ZFAND4: variants seen among roughly 807,000 people sequenced by gnomAD.
The protein encoded by ZFAND4 is AN1-type zinc finger protein 4.
A neutral mutation model predicts 64.4 loss-of-function variants in ZFAND4; 43 were observed. That is an observed-to-expected ratio of 0.67 (90% CI 0.52 to 0.86). The LOEUF is 0.86. Among genes scored for constraint, ZFAND4 ranks in the 40% least tolerant of loss-of-function variants. The pLI is 0.00. For synonymous variants in ZFAND4, 296 were observed against 305.7 expected, an observed-to-expected ratio of 0.97 and a Z score of 0.33; for missense variants, 929 against 859.8, an observed-to-expected ratio of 1.08 and a Z score of -1.01.
intron 6 of ZFAND4, among the ~76,000 whole-genome samples, chr10:45,636,085 A>G (rs1281375762): frequency 6.6e-6 from 1 of 152,196 alleles, no homozygotes; most frequent in Non-Finnish European, 1.5e-5. Context: ...AATGAAAAAT[A>G]CATCACAACC....
intron 6 of ZFAND4, among the ~76,000 whole-genome samples, chr10:45,637,537 G>A (rs562486088): frequency 1.2e-4 from 19 of 152,054 alleles, no homozygotes; most frequent in African/African-American, 4.6e-4. Flanking sequence ...AGATGACAAG[G>A]TCAGAAGTTC....
At chr10:45,648,563 C>T (rs1426286883) in intron 4 of ZFAND4, 29 bp from the exon 5 acceptor site, 2 of 1,571,808 alleles carry the variant, frequency 1.3e-6, no homozygotes, top group Non-Finnish European at 1.7e-6. Context: ...AATAAGTCTT[C>T]AATTTGGATC....
rs573855195 is a variant in ZFAND4 at position 45,641,774 on chromosome 10, C to T, written c.570-1811G>A. Among the ~76,000 whole-genome samples, 8 of 152,316 alleles carry T rather than the reference C, an allele frequency of 5.3e-5. 1 individual carries two copies. In the South Asian group the frequency reaches 1.4e-3, roughly 28 times the overall value. ...CACTTCCCACACATTATTCCTAATT[C>T]TCACAAAACTACATAAGGTAGATAT... On this transcript the variant is annotated intron_variant, in intron 5 of 9. Transcript: ENST00000344646.
chr10:45,627,765 A>T (rs1430313073), intron 6 of ZFAND4, among the ~76,000 whole-genome samples: 1 of 152,216 alleles, frequency 6.6e-6, no homozygotes, highest in Non-Finnish European at 1.5e-5. Context: ...CTGGGCACAG[A>T]GTCTCTAATG....
intron 8 of ZFAND4, among the ~76,000 whole-genome samples, chr10:45,623,600 A>G (rs1020845325): frequency 2.6e-5 from 4 of 152,234 alleles, no homozygotes; most frequent in African/African-American, 9.6e-5. Context: ...TAGAGTACCT[A>G]AAAAATCATT....
chr10:45,640,732 C>T (rs1323916731), intron 5 of ZFAND4, among the ~76,000 whole-genome samples: 4 of 152,130 alleles, frequency 2.6e-5, no homozygotes, highest in African/African-American at 4.8e-5. Flanking sequence ...CCTCGTGATC[C>T]GCCTACCTCG....
At chr10:45,651,689 T>C (rs2047768458) in intron 4 of ZFAND4, 2 of 535,332 alleles carry the variant, frequency 3.7e-6, no homozygotes, top group East Asian at 5.0e-5. Context: ...GTAGTATTTA[T>C]AGTATGTCAT....
intron 2 of ZFAND4, among the ~76,000 whole-genome samples, chr10:45,659,877 T>C (rs1430893806): frequency 6.6e-6 from 1 of 151,958 alleles, no homozygotes; most frequent in East Asian, 1.9e-4. Flanking sequence ...AATTGGGAAG[T>C]TTGAAAAATG....
At chr10:45,643,969 T>A (rs1276580705) in intron 5 of ZFAND4, among the ~76,000 whole-genome samples, 1 of 152,180 alleles carries the variant, frequency 6.6e-6, no homozygotes, top group East Asian at 1.9e-4. Context: ...AAATTCAAAT[T>A]TGTGTCCATA....
chr10:45,667,402 G>A (rs1011870611), intron 1 of ZFAND4, among the ~76,000 whole-genome samples: 4 of 146,896 alleles, frequency 2.7e-5, no homozygotes, highest in Non-Finnish European at 4.5e-5. Context: ...ACAAGATCAT[G>A]TCATTTACAA....
chr10:45,671,330 G>A (rs558880447), intron 1 of ZFAND4, among the ~76,000 whole-genome samples: 1 of 152,298 alleles, frequency 6.6e-6, no homozygotes, highest in South Asian at 2.1e-4. Context: ...CCATTACTGG[G>A]TATATACCCA....
intron 2 of ZFAND4, among the ~76,000 whole-genome samples, chr10:45,661,556 T>C (rs2048472696): frequency 2.0e-5 from 3 of 152,192 alleles, no homozygotes; most frequent in Non-Finnish European, 4.4e-5. Flanking sequence ...CCGTATTCCA[T>C]ATCCCTCTAA....
At chr10:45,671,821 TAA>T (rs199848014) in intron 1 of ZFAND4, among the ~76,000 whole-genome samples, 5,748 of 141,250 alleles carry the variant, frequency 0.041, 119 homozygotes, top group East Asian at 0.055. Flanking sequence ...CCCTAGAACT[TAA>T]AAAAAAAAAA....
At chr10:45,628,896 CAA>C (rs74412113) in intron 6 of ZFAND4, among the ~76,000 whole-genome samples, 56 of 45,438 alleles carry the variant, frequency 1.2e-3, no homozygotes, top group East Asian at 2.5e-3. Flanking sequence ...GGAGCTTCAC[CAA>C]AAAAAAAAAA....
intron 6 of ZFAND4, among the ~76,000 whole-genome samples, chr10:45,633,470 T>G (rs912166890): frequency 6.6e-6 from 1 of 151,976 alleles, no homozygotes; most frequent in Non-Finnish European, 1.5e-5. Flanking sequence ...CGTGGGAGGC[T>G]GAAATGAGAA....
chr10:45,671,742 T>C (rs2049210576), intron 1 of ZFAND4, among the ~76,000 whole-genome samples: 1 of 151,868 alleles, frequency 6.6e-6, no homozygotes, highest in African/African-American at 2.4e-5. Flanking sequence ...AATGACGAGT[T>C]AGTCGGTGCA....
At chr10:45,670,308 C>A (rs1340483204) in intron 1 of ZFAND4, among the ~76,000 whole-genome samples, 1 of 151,314 alleles carries the variant, frequency 6.6e-6, no homozygotes, top group Admixed American at 6.6e-5. Flanking sequence ...CTCACCACAA[C>A]CTCCGCCTCC....
intron 6 of ZFAND4, among the ~76,000 whole-genome samples, chr10:45,627,774 T>G (rs755906366): frequency 2.0e-4 from 30 of 152,234 alleles, no homozygotes; most frequent in Non-Finnish European, 4.0e-4. Flanking sequence ...GAGTCTCTAA[T>G]GAGCCTCCCC....
intron 1 of ZFAND4, among the ~76,000 whole-genome samples, chr10:45,664,159 A>T (rs1002254032): frequency 1.3e-5 from 2 of 152,170 alleles, no homozygotes; most frequent in Non-Finnish European, 2.9e-5. Flanking sequence ...CTCAACAAAC[A>T]CATCAGTATA....
Sources: gnomAD v4.1 joint callset for allele counts (sites outside exome capture counted in the v4.1 genomes callset) on GRCh38, gnomAD v4.1.1 for gene constraint, MANE v1.5 for transcripts, NCBI Gene and HGNC (gene_info 2026-07-23, HGNC 2026-07-21) for gene names.